Variants in FHIP1A observed in about 807,000 individuals in gnomAD.
FHIP1A encodes the protein FHF complex subunit HOOK interacting protein 1A, also known as FHF complex subunit HOOK-interacting protein 1A.
In FHIP1A, 61 loss-of-function variants were observed where a neutral mutation model predicts 88.6. That is an observed-to-expected ratio of 0.69 (90% confidence interval 0.56 to 0.85). The LOEUF is 0.85. FHIP1A is among the 40% of genes least tolerant of loss of function. The pLI is 0.00. For missense variants in FHIP1A, 1,154 were observed against 1,273.5 expected (o/e 0.91, Z 1.43); for synonymous variants, 478 against 496.0 (o/e 0.96, Z 0.48).
chr4:151,615,356 CTT>C (rs1413190919), intron 7 of FHIP1A, among the ~76,000 whole-genome samples: 1 of 151,644 alleles, frequency 6.6e-6, no homozygotes, highest in Admixed American at 6.6e-5. Flanking sequence ...TTGAGCCTCA[CTT>C]TTCTTAGCTG....
chr4:151,517,791 A>C (rs1311619712), intron 3 of FHIP1A, among the ~76,000 whole-genome samples: 2 of 152,142 alleles, frequency 1.3e-5, no homozygotes, highest in East Asian at 1.9e-4. Context: ...AAAAGTTTTA[A>C]AATTAAAATA....
chr4:151,635,992 T>C (rs1409119604), intron 8 of FHIP1A, among the ~76,000 whole-genome samples: 6 of 151,952 alleles, frequency 3.9e-5, no homozygotes, highest in African/African-American at 1.4e-4. Flanking sequence ...CCAGTGTTAT[T>C]CTGATTCCAA....
At position 151,527,201 on chromosome 4, in the gene FHIP1A, G is replaced by A. The variant is rs545067155; in HGVS notation, c.-122-38937G>A. Among the ~76,000 whole-genome samples, 6 of 152,266 alleles carry A rather than the reference G, an allele frequency of 3.9e-5. No homozygotes were observed. The East Asian group carries it at 9.7e-4, about 25-fold the overall frequency. On this transcript the variant is annotated intron_variant, in intron 3 of 13. Transcript: ENST00000435205. ...TGGGAGGTGGAGGTTGTAGCGAGCC[G>A]AGATCACGCCACTGCACTCCAGCCT...
chr4:151,453,801 G>A (rs963279795), intron 1 of FHIP1A, among the ~76,000 whole-genome samples: 5 of 151,960 alleles, frequency 3.3e-5, no homozygotes, highest in Admixed American at 6.6e-5. Flanking sequence ...ACTGGGAGGC[G>A]GAGGTTGCGG....
At position 151,624,822 on chromosome 4, in the gene FHIP1A, G is replaced by A. The variant is rs559823756; in HGVS notation, c.979-4880G>A. On this transcript the variant is annotated intron_variant, in intron 7 of 13. Transcript: ENST00000435205. ...AGCAGAAGGGAGGCATAGGGGAGCC[G>A]ACGGGAGGGAGCCGGAATCATCAAC... Among the ~76,000 whole-genome samples, 10 of 152,290 alleles carry A rather than the reference G, an allele frequency of 6.6e-5. No individual in the cohort carries two copies. In the East Asian group the frequency reaches 1.5e-3, roughly 24 times the overall value.
intron 2 of FHIP1A, among the ~76,000 whole-genome samples, chr4:151,471,453 C>T (rs1484387140): frequency 6.6e-6 from 1 of 151,742 alleles, no homozygotes; most frequent in African/African-American, 2.4e-5. Context: ...CAACAGCATG[C>T]CAATCAGCAG....
At chr4:151,563,249 C>G (rs1733242816) in intron 3 of FHIP1A, among the ~76,000 whole-genome samples, 1 of 152,080 alleles carries the variant, frequency 6.6e-6, no homozygotes, top group Non-Finnish European at 1.5e-5. Flanking sequence ...CCCATTACCA[C>G]AACCAAAAAA....
rs1373353390 is a variant in FHIP1A at position 151,428,775 on chromosome 4, T to G, written c.-356+19310T>G. Among the ~76,000 whole-genome samples the G allele has an allele frequency of 2.6e-5, 4 of 152,192 alleles. No homozygotes were observed. In the East Asian group the frequency reaches 5.8e-4, roughly 22 times the overall value. ...TCATTTCTTTTAATGTGTTTTTCTC[T>G]TTTAAAAAGTTGCAGAGCCTTTGCA... On this transcript the variant is annotated intron_variant, in intron 1 of 13. Transcript: ENST00000435205.
intron 3 of FHIP1A, among the ~76,000 whole-genome samples, chr4:151,565,891 TGGAGA>T (rs1733367501): frequency 6.6e-6 from 1 of 152,164 alleles, no homozygotes; most frequent in South Asian, 2.1e-4. Context: ...CTGGTTGTAG[TGGAGA>T]GAAGAAACCC....
At chr4:151,482,284 G>T (rs558016462) in intron 2 of FHIP1A, among the ~76,000 whole-genome samples, 2 of 152,054 alleles carry the variant, frequency 1.3e-5, no homozygotes, top group East Asian at 1.9e-4. Context: ...TAAGATGGAA[G>T]AATCCTTTTC....
intron 3 of FHIP1A, among the ~76,000 whole-genome samples, chr4:151,552,199 A>G (rs1459155661): frequency 6.6e-6 from 1 of 152,166 alleles, no homozygotes; most frequent in Non-Finnish European, 1.5e-5. Flanking sequence ...AGGATGTGGA[A>G]AAATAGGAAT....
At position 151,663,880 on chromosome 4, in the gene FHIP1A, C is replaced by T. The variant is rs1737565602; in HGVS notation, c.*1126C>T. 6.6e-6 allele frequency among the ~76,000 whole-genome samples: 1 copy of T among 152,224 alleles called. No individual in the cohort carries two copies. The highest frequency in any genetic ancestry group is 2.1e-4 in the South Asian group (1 of 4,814). On this transcript the variant is annotated 3_prime_UTR_variant, in exon 14 of 14. Coordinates refer to ENST00000435205, the MANE Select transcript of FHIP1A (RefSeq NM_001109977.3). ...TGGCGACTCACTCTGCATGGAAATG[C>T]TGCCTTCCGAGTAATGGGGTTCATT...
At chr4:151,570,600 T>A (rs1733563825) in intron 4 of FHIP1A, among the ~76,000 whole-genome samples, 1 of 152,196 alleles carries the variant, frequency 6.6e-6, no homozygotes, top group Non-Finnish European at 1.5e-5. Context: ...TGCAGAGATG[T>A]GCCACTGCGT....
intron 1 of FHIP1A, among the ~76,000 whole-genome samples, chr4:151,448,267 A>G (rs1488148569): frequency 6.6e-6 from 1 of 152,090 alleles, no homozygotes; most frequent in African/African-American, 2.4e-5. Flanking sequence ...TAAGCCACCC[A>G]GTCTATGTTT....
intron 5 of FHIP1A, among the ~76,000 whole-genome samples, chr4:151,583,098 A>G (rs1333280204): frequency 6.6e-6 from 1 of 152,176 alleles, no homozygotes; most frequent in Non-Finnish European, 1.5e-5. Context: ...CCCAGGACCA[A>G]TCTTGCATAT....
At chr4:151,636,790 ACTC>A (rs1249691447) in intron 8 of FHIP1A, among the ~76,000 whole-genome samples, 1 of 151,988 alleles carries the variant, frequency 6.6e-6, no homozygotes, top group Non-Finnish European at 1.5e-5. Context: ...TTTCTATAAA[ACTC>A]CTATCTGGCC....
At position 151,670,444 on chromosome 4, in the gene FHIP1A, G is replaced by GTTAAT. The variant is rs1737824174; in HGVS notation, c.*7693_*7697dup. The GTTAAT allele has an allele frequency of 6.6e-6, 1 of 152,156 alleles. No homozygotes were observed. The highest frequency in any genetic ancestry group is 6.5e-5 in the Admixed American group (1 of 15,278). 9.4% of individuals were successfully genotyped at this position (152,156 alleles called of 1,614,324 possible). On this transcript the variant is annotated 3_prime_UTR_variant, in exon 14 of 14. Coordinates refer to ENST00000435205, the MANE Select transcript of FHIP1A (RefSeq NM_001109977.3). ...CAGCTGCACAATCTTTGAAGTGTAA[G>GTTAAT]TTAATTTTTATGTGATATTTCAGTA...
At chr4:151,541,269 C>G (rs926060584) in intron 3 of FHIP1A, among the ~76,000 whole-genome samples, 1 of 152,128 alleles carries the variant, frequency 6.6e-6, no homozygotes, top group Non-Finnish European at 1.5e-5. Flanking sequence ...GCTAATAACC[C>G]TGAGTGAAGA....
At chr4:151,552,375 A>G (rs1304256513) in intron 3 of FHIP1A, among the ~76,000 whole-genome samples, 1 of 152,204 alleles carries the variant, frequency 6.6e-6, no homozygotes, top group African/African-American at 2.4e-5. Flanking sequence ...TCACATGCAC[A>G]TATATGTTTA....
Sources: gnomAD v4.1 joint callset for allele counts (sites outside exome capture counted in the v4.1 genomes callset) on GRCh38, gnomAD v4.1.1 for gene constraint, MANE v1.5 for transcripts, NCBI Gene and HGNC (gene_info 2026-07-23, HGNC 2026-07-21) for gene names.